Variants in NEK11 observed in about 807,000 individuals in gnomAD.
The protein encoded by NEK11 is serine/threonine-protein kinase Nek11.
NEK11 carries 72 observed loss-of-function variants against 80.7 expected under a neutral mutation model. The observed-to-expected ratio is 0.89, with a 90% CI of 0.74 to 1.08. The LOEUF is 1.08. NEK11 is among the 50% of genes least tolerant of loss of function. NEK11 has a pLI of 0.00. For synonymous variants in NEK11, 251 were observed against 260.7 expected, an observed-to-expected ratio of 0.96 and a Z score of 0.36; for missense variants, 764 against 763.6, an observed-to-expected ratio of 1.00 and a Z score of -0.01.
At chr3:131,331,304 C>T (rs1270788472) in intron 17 of NEK11, among the ~76,000 whole-genome samples, 2 of 152,216 alleles carry the variant, frequency 1.3e-5, no homozygotes, top group African/African-American at 2.4e-5. Context: ...TAATTTTATA[C>T]ACAACCATTT....
chr3:131,279,931 T>C (rs971093773), intron 17 of NEK11, among the ~76,000 whole-genome samples: 6 of 152,092 alleles, frequency 3.9e-5, no homozygotes, highest in African/African-American at 1.2e-4. Context: ...CCCAGAAAAT[T>C]TTGAGGCTGA....
chr3:131,328,847 C>A (rs964012128), intron 17 of NEK11: 2 of 152,220 alleles, frequency 1.3e-5, no homozygotes, highest in Non-Finnish European at 2.9e-5. Context: ...ATTTAACTTA[C>A]ATGGCAGACG....
intron 16 of NEK11, among the ~76,000 whole-genome samples, chr3:131,258,125 A>C (rs1212986940): frequency 6.6e-6 from 1 of 151,054 alleles, no homozygotes; most frequent in Non-Finnish European, 1.5e-5. Context: ...CTGTGGGGAC[A>C]CAAAGGCAGA....
chr3:131,115,857 G>A (rs1325824679), intron 5 of NEK11, among the ~76,000 whole-genome samples: 2 of 152,006 alleles, frequency 1.3e-5, no homozygotes, highest in African/African-American at 2.4e-5. Context: ...CCAGCTTGGC[G>A]AGGTATTGTG....
At chr3:131,179,146 G>C (rs2093207941) in intron 14 of NEK11, among the ~76,000 whole-genome samples, 1 of 152,196 alleles carries the variant, frequency 6.6e-6, no homozygotes, top group African/African-American at 2.4e-5. Context: ...TGAGGACACA[G>C]TGTTCCTTCA....
chr3:131,349,994 A>T lies in NEK11; in HGVS notation c.*218A>T. On this transcript the variant is annotated 3_prime_UTR_variant, in exon 18 of 18. Transcript: ENST00000383366. Reference sequence around the variant, plus strand: ...GTTATTTGGACTATACCCTGAGATAAGCTTATAGATCAAGTTTGGCTCCCT... The same window carrying T: ...GTTATTTGGACTATACCCTGAGATATGCTTATAGATCAAGTTTGGCTCCCT... 1 of 533,422 alleles carries T rather than the reference A, an allele frequency of 1.9e-6. No individual in the cohort carries two copies. Among genetic ancestry groups the T allele is most frequent in the South Asian group, 2.3e-5 (1 of 43,104 alleles). 33.0% of individuals were successfully genotyped at this position (533,422 alleles called of 1,614,324 possible). A position where few individuals can be genotyped will look rare whatever the true frequency, so the allele number is the denominator to read the frequency against.
chr3:131,221,121 G>A (rs2095007891), intron 14 of NEK11, among the ~76,000 whole-genome samples: 1 of 152,150 alleles, frequency 6.6e-6, no homozygotes, highest in African/African-American at 2.4e-5. Flanking sequence ...TTATCTCTTA[G>A]AGATTTATGT....
Position 131,349,843 on chromosome 3 carries a change from G to A in NEK11, c.*67G>A. ...ATGTGAAAATTCATTTAACATATAA[G>A]CTGAACTCTATTATGGGGAATGGAT... is the stretch of plus-strand genomic sequence containing the variant. On this transcript the variant is annotated 3_prime_UTR_variant, in exon 18 of 18. Coordinates refer to ENST00000383366, the MANE Select transcript of NEK11 (RefSeq NM_024800.5). 8.2e-7 allele frequency: 1 copy of A among 1,224,072 alleles called. No homozygotes were observed. The highest frequency in any genetic ancestry group is 1.2e-6 in the Non-Finnish European group (1 of 840,152). 75.8% of individuals were successfully genotyped at this position (1,224,072 alleles called of 1,614,324 possible). A position where few individuals can be genotyped will look rare whatever the true frequency, so the allele number is the denominator to read the frequency against.
intron 3 of NEK11, among the ~76,000 whole-genome samples, chr3:131,051,467 T>C (rs2068404466): frequency 6.6e-6 from 1 of 152,174 alleles, no homozygotes; most frequent in Non-Finnish European, 1.5e-5. Flanking sequence ...AAACAAGTAC[T>C]TTTTAGTGGA....
rs758172074 is a variant in NEK11, at chr3:131,029,815, G to T, written c.107G>T (p.Gly36Val). The T allele has an allele frequency of 6.2e-7, 1 of 1,614,216 alleles. No individual in the cohort carries two copies. The change falls in exon 3 of 18, where the codon GGC (glycine) becomes GTC (valine). Residue 36 changes from glycine to valine, a missense_variant. Transcript: ENST00000383366. ...ARRYVLQQKL[G>V]SGSFGTVYLV... ...AGATACGTGCTTCAACAAAAACTTG[G>T]CAGTGGAAGTTTTGGAACTGTCTAT...
chr3:131,209,935 C>T (rs2094558796), intron 14 of NEK11, among the ~76,000 whole-genome samples: 1 of 152,132 alleles, frequency 6.6e-6, no homozygotes. Context: ...AAAAAACCAG[C>T]TCTTGGATTC....
intron 14 of NEK11, among the ~76,000 whole-genome samples, chr3:131,189,577 CG>C (rs1256848838): frequency 6.6e-6 from 1 of 152,172 alleles, no homozygotes; most frequent in Non-Finnish European, 1.5e-5. Context: ...TTGGTGATTA[CG>C]TTTCAACATA....
chr3:131,147,496 T>A (rs2088619025), intron 7 of NEK11, among the ~76,000 whole-genome samples: 1 of 152,102 alleles, frequency 6.6e-6, no homozygotes, highest in Admixed American at 6.6e-5. Flanking sequence ...TATAACTTTA[T>A]AATAAATCTT....
chr3:131,234,602 G>T (rs1253670141), intron 15 of NEK11, among the ~76,000 whole-genome samples: 3 of 152,056 alleles, frequency 2.0e-5, no homozygotes. Flanking sequence ...TCAAAGGAGA[G>T]ACTTTGAGGT....
chr3:131,266,701 T>C (rs147465323), intron 16 of NEK11, among the ~76,000 whole-genome samples: 1 of 152,260 alleles, frequency 6.6e-6, no homozygotes, highest in African/African-American at 2.4e-5. Context: ...GGGTGGAGAG[T>C]TCTGTAGATG....
At chr3:131,263,029 T>TTTAAAA (rs2095962350) in intron 16 of NEK11, among the ~76,000 whole-genome samples, 1 of 152,210 alleles carries the variant, frequency 6.6e-6, no homozygotes, top group South Asian at 2.1e-4. Flanking sequence ...TTCCATGGCA[T>TTTAAAA]ATATGTGCCA....
At chr3:131,220,338 TA>T (rs2094978395) in intron 14 of NEK11, among the ~76,000 whole-genome samples, 2 of 151,084 alleles carry the variant, frequency 1.3e-5, no homozygotes, top group African/African-American at 4.8e-5. Flanking sequence ...ATAATATTTT[TA>T]TTTTTAATGT....
intron 16 of NEK11, among the ~76,000 whole-genome samples, chr3:131,243,899 T>C (rs1417925584): frequency 6.6e-6 from 1 of 152,072 alleles, no homozygotes; most frequent in Admixed American, 6.6e-5. Flanking sequence ...TTTGAAGAGA[T>C]TTGGTCTGAA....
chr3:131,333,542 G>C (rs1478453838), intron 17 of NEK11, among the ~76,000 whole-genome samples: 1 of 152,166 alleles, frequency 6.6e-6, no homozygotes, highest in Non-Finnish European at 1.5e-5. Context: ...ATCGAGGCTA[G>C]GAAGAAACTG....
Sources: allele counts gnomAD v4.1 joint callset (sites outside exome capture counted in the v4.1 genomes callset), GRCh38; gene constraint gnomAD v4.1.1; transcripts MANE v1.5; gene names NCBI Gene and HGNC (gene_info 2026-07-23, HGNC 2026-07-21).